VPS8: variants seen among roughly 807,000 people sequenced by gnomAD.
VPS8 encodes vacuolar protein sorting-associated protein 8 homolog.
VPS8 carries 129 observed loss-of-function variants against 216.4 expected under a neutral mutation model. The observed-to-expected ratio is 0.60, with a 90% CI of 0.52 to 0.69. The LOEUF (loss-of-function observed/expected upper bound fraction) is 0.69. Ranked by LOEUF, VPS8 falls within the 30% of genes least tolerant of loss-of-function variation. The pLI is 0.00. For synonymous variants in VPS8, 571 were observed against 565.4 expected, an observed-to-expected ratio of 1.01 and a Z score of -0.14; for missense variants, 1,531 against 1,683.5, an observed-to-expected ratio of 0.91 and a Z score of 1.59.
At chr3:184,953,780 C>T (rs1745123372) in intron 36 of VPS8, among the ~76,000 whole-genome samples, 1 of 152,184 alleles carries the variant, frequency 6.6e-6, no homozygotes, top group Admixed American at 6.5e-5. Flanking sequence ...AGCTAGATGC[C>T]TGGAATTTCC....
chr3:184,913,649 T>C (rs1464312100), intron 26 of VPS8, 88 bp downstream of exon 26: 13 of 1,087,190 alleles, frequency 1.2e-5, no homozygotes, highest in Non-Finnish European at 1.7e-5. Context: ...CTTATCTATA[T>C]AGTACTTTTA....
At chr3:184,849,614 G>A (rs1285162371) in intron 9 of VPS8, 3 of 301,538 alleles carry the variant, frequency 9.9e-6, no homozygotes, top group African/African-American at 6.7e-5. Context: ...TCACTAGCTA[G>A]TTTGGCAGTA....
intron 9 of VPS8, 24 bp from the exon 10 acceptor site, chr3:184,849,912 T>G: frequency 6.3e-7 from 1 of 1,596,428 alleles, no homozygotes; most frequent in Non-Finnish European, 8.6e-7. Context: ...AAATTTGTTT[T>G]TGAAGCACTT....
intron 42 of VPS8, among the ~76,000 whole-genome samples, chr3:184,992,925 A>C (rs1160343216): frequency 6.6e-6 from 1 of 152,118 alleles, no homozygotes. Context: ...GAAATCTCTA[A>C]AGAAAGAATC....
At chr3:184,849,805 GTT>G in intron 9 of VPS8, 129 bp from the exon 10 acceptor site, 1 of 707,496 alleles carries the variant, frequency 1.4e-6, no homozygotes, top group Non-Finnish European at 2.4e-6. Context: ...CTTTAGGTAT[GTT>G]TTAACTTTAT....
intron 22 of VPS8, among the ~76,000 whole-genome samples, chr3:184,889,398 C>T (rs1731914387): frequency 6.6e-6 from 1 of 152,156 alleles, no homozygotes; most frequent in Non-Finnish European, 1.5e-5. Flanking sequence ...TTCAGCTCTT[C>T]CTGGTGCTTT....
chr3:184,982,640 C>T lies in VPS8; in HGVS notation c.3495C>T (p.His1165=). ...KLSSSAIPHL[H]SEALKSLTMQ... ...CCAGTTCAGCCATTCCTCATCTACA[C>T]TCTGAAGGTAAGTTCTTCAGAATTC... Residue 1165 remains histidine, a synonymous_variant, in exon 41 of 48, where the codon CAC becomes CAT. Transcript: ENST00000625842. 1 of 1,611,190 alleles carries T rather than the reference C, an allele frequency of 6.2e-7. No individual in the cohort carries two copies. Among genetic ancestry groups the T allele is most frequent in the Non-Finnish European group, 8.5e-7 (1 of 1,178,980 alleles).
At chr3:184,858,322 G>C (rs1397283394) in intron 14 of VPS8, among the ~76,000 whole-genome samples, 1 of 152,088 alleles carries the variant, frequency 6.6e-6, no homozygotes, top group South Asian at 2.1e-4. Flanking sequence ...CAAAAAGTTT[G>C]TGGAAAAATG....
intron 21 of VPS8, among the ~76,000 whole-genome samples, chr3:184,874,887 G>A (rs544098883): frequency 4.6e-5 from 7 of 152,168 alleles, no homozygotes; most frequent in Middle Eastern, 3.4e-3. Context: ...GGGATTAGCC[G>A]TATTGCTCCA....
intron 28 of VPS8, among the ~76,000 whole-genome samples, chr3:184,915,968 C>T (rs1165789486): frequency 6.6e-6 from 1 of 151,906 alleles, no homozygotes. Flanking sequence ...CCTCCCTTTC[C>T]CTCTTCCTCC....
In VPS8 at chr3:184,920,148, G is replaced by A. The variant is rs1463812826; in HGVS notation, c.2404G>A (p.Asp802Asn). Residue 802 changes from aspartate to asparagine, a missense_variant, in exon 29 of 48, where the codon GAC becomes AAC. By Grantham distance (23) the Asp-to-Asn change is conservative (BLOSUM62 1). Around this residue, in one of 3 missense-constraint regions of VPS8, gnomAD observed 1,318 missense variants for 1,468.4 expected, o/e 0.90. Coordinates refer to ENST00000625842, the MANE Select transcript of VPS8 (RefSeq NM_001009921.3). ...LALTFEDFKNDKQAVEYQQRI... is the reference protein window; with the variant it reads ...LALTFEDFKNNKQAVEYQQRI... ...TTAGACTTTTGAAGATTTTAAAAAT[G>A]ACAAGCAAGCTGTGGAATATCAACA... 6.6e-7 allele frequency: 1 copy of A among 1,524,684 alleles called. No individual in the cohort carries two copies. Among genetic ancestry groups the A allele is most frequent in the Non-Finnish European group, 8.8e-7 (1 of 1,137,678 alleles). 94.4% of individuals were successfully genotyped at this position (1,524,684 alleles called of 1,614,324 possible).
intron 36 of VPS8, among the ~76,000 whole-genome samples, chr3:184,953,239 A>G (rs1197282778): frequency 6.6e-6 from 1 of 152,222 alleles, no homozygotes; most frequent in African/African-American, 2.4e-5. Context: ...GACATCCCTG[A>G]TGGCTTACAG....
At chr3:184,968,959 T>C (rs1475924162) in intron 39 of VPS8, among the ~76,000 whole-genome samples, 1 of 152,208 alleles carries the variant, frequency 6.6e-6, no homozygotes, top group Non-Finnish European at 1.5e-5. Context: ...ACAGTAAATC[T>C]TTTTGGAACA....
At chr3:184,954,175 T>TAGGGAGA (rs1745188835) in intron 36 of VPS8, among the ~76,000 whole-genome samples, 1 of 152,116 alleles carries the variant, frequency 6.6e-6, no homozygotes, top group Non-Finnish European at 1.5e-5. Context: ...AAGAAATGAA[T>TAGGGAGA]AGGGAGAGGT....
intron 47 of VPS8, 49 bp from the exon 48 acceptor site, chr3:185,051,827 T>G: frequency 6.6e-7 from 1 of 1,508,070 alleles, no homozygotes; most frequent in South Asian, 1.4e-5. Flanking sequence ...GAGCCTCTCT[T>G]CCCTCTGCTC....
At chr3:184,845,755 CAAA>C (rs36003760) in intron 8 of VPS8, among the ~76,000 whole-genome samples, 3 of 80,604 alleles carry the variant, frequency 3.7e-5, no homozygotes, top group Admixed American at 1.2e-4. Flanking sequence ...AACTCCGTCT[CAAA>C]AAAAAAAAAA....
At chr3:184,948,014 A>G (rs1469643523) in intron 36 of VPS8, among the ~76,000 whole-genome samples, 2 of 152,162 alleles carry the variant, frequency 1.3e-5, no homozygotes, top group African/African-American at 4.8e-5. Flanking sequence ...AAAAAACTCA[A>G]AAACAGTAGA....
intron 21 of VPS8, among the ~76,000 whole-genome samples, chr3:184,884,015 G>A (rs1181188119): frequency 6.6e-6 from 1 of 152,122 alleles, no homozygotes; most frequent in African/African-American, 2.4e-5. Flanking sequence ...TGTTTAGGGT[G>A]ATCTCTGGGG....
chr3:184,894,660 T>C, intron 22 of VPS8, 43 bp from the exon 23 acceptor site: 1 of 1,432,290 alleles, frequency 7.0e-7, no homozygotes, highest in Non-Finnish European at 9.6e-7. Flanking sequence ...AATGGATATT[T>C]GGCATGTTCC....
Sources: gnomAD v4.1 joint callset for allele counts (sites outside exome capture counted in the v4.1 genomes callset) on GRCh38, gnomAD v4.1.1 for gene constraint, gnomAD v4.1.1 regional missense constraint, MANE v1.5 for transcripts, NCBI Gene and HGNC (gene_info 2026-07-23, HGNC 2026-07-21) for gene names.